The following FAM135B variants were observed in gnomAD, a reference collection of about 807,000 sequenced individuals.
The protein encoded by FAM135B is family with sequence similarity 135 member B.
A neutral mutation model predicts 127.7 loss-of-function variants in FAM135B; 43 were observed. The observed-to-expected ratio is 0.34, with a 90% CI of 0.26 to 0.43. The LOEUF is 0.43. Ranked by LOEUF, FAM135B falls within the 20% of genes least tolerant of loss-of-function variation. FAM135B has a pLI of 1.00. For synonymous variants in FAM135B, 670 were observed against 665.1 expected (o/e 1.01, Z -0.11); for missense variants, 1,558 against 1,725.6 (o/e 0.90, Z 1.72).
In FAM135B at chr8:138,132,141, A is replaced by G; in HGVS notation, c.*452T>C. Reference sequence around the variant, plus strand: ...AATCTATTGAGGATTCTATTTACACAAATATGTTCCACTGCTGCACAGAGA... The same window carrying G: ...AATCTATTGAGGATTCTATTTACACGAATATGTTCCACTGCTGCACAGAGA... On this transcript the variant is annotated 3_prime_UTR_variant, in exon 20 of 20. Transcript: ENST00000395297. The surrounding 1 kb of genome is among the most constrained non-coding windows in gnomAD (Gnocchi z 4.5). The G allele has an allele frequency of 6.1e-6, 1 of 163,250 alleles. No homozygotes were observed. The allele number at this position is 163,250 out of a possible 1,614,324, so 10.1% of individuals were successfully genotyped here.
At chr8:138,457,796 A>G (rs1836878083) in intron 1 of FAM135B, among the ~76,000 whole-genome samples, 1 of 152,068 alleles carries the variant, frequency 6.6e-6, no homozygotes, top group South Asian at 2.1e-4. Context: ...GCATGGCAAA[A>G]TCCCATCTCT....
intron 2 of FAM135B, among the ~76,000 whole-genome samples, chr8:138,343,408 G>C (rs913097870): frequency 5.3e-5 from 8 of 152,182 alleles, no homozygotes; most frequent in Admixed American, 4.6e-4. Flanking sequence ...CCAGACCACA[G>C]GTGGATCTTA....
chr8:138,265,657 T>C (rs769056804), intron 4 of FAM135B, 46 bp downstream of exon 4: 1 of 1,607,224 alleles, frequency 6.2e-7, no homozygotes, highest in Non-Finnish European at 8.5e-7. Flanking sequence ...AGAACAGCCA[T>C]GATAGGGAAC....
At chr8:138,429,322 AT>A (rs1835071510) in intron 1 of FAM135B, among the ~76,000 whole-genome samples, 1 of 152,180 alleles carries the variant, frequency 6.6e-6, no homozygotes, top group South Asian at 2.1e-4. Flanking sequence ...CTTGCATGGT[AT>A]ATGATAGGTG....
intron 2 of FAM135B, among the ~76,000 whole-genome samples, chr8:138,351,742 C>T (rs1587195564): frequency 7.0e-6 from 1 of 142,602 alleles, no homozygotes; most frequent in African/African-American, 2.6e-5. Context: ...CAGGCTGGAG[C>T]GCAGTGGTAC....
chr8:138,194,413 G>A (rs937881311), intron 9 of FAM135B, among the ~76,000 whole-genome samples: 4 of 152,176 alleles, frequency 2.6e-5, no homozygotes, highest in South Asian at 2.1e-4. Flanking sequence ...AACCCTGGCT[G>A]CACATAATAT....
intron 3 of FAM135B, among the ~76,000 whole-genome samples, chr8:138,293,211 T>C (rs1825243202): frequency 6.6e-6 from 1 of 152,160 alleles, no homozygotes; most frequent in Non-Finnish European, 1.5e-5. Context: ...AGAATGAAAC[T>C]GGATCAATCC....
At chr8:138,182,020 C>T (rs1449172612) in intron 9 of FAM135B, among the ~76,000 whole-genome samples, 1 of 152,116 alleles carries the variant, frequency 6.6e-6, no homozygotes, top group African/African-American at 2.4e-5. Context: ...GGGAGGTGTC[C>T]CAGGCCTCCG....
intron 3 of FAM135B, among the ~76,000 whole-genome samples, chr8:138,278,830 A>C (rs1239134103): frequency 6.6e-6 from 1 of 152,062 alleles, no homozygotes; most frequent in Admixed American, 6.6e-5. Context: ...ATGGAGCTAT[A>C]ATATCTAATC....
At chr8:138,328,012 T>C (rs891978230) in intron 2 of FAM135B, among the ~76,000 whole-genome samples, 2 of 152,136 alleles carry the variant, frequency 1.3e-5, no homozygotes, top group African/African-American at 4.8e-5. Flanking sequence ...TTGATGTCAG[T>C]AATTTTCATC....
chr8:138,440,913 AC>A, intron 1 of FAM135B: 1 of 152,204 alleles, frequency 6.6e-6, no homozygotes, highest in African/African-American at 2.4e-5. Context: ...TGAGCCTTCT[AC>A]TTTGCTATTT....
chr8:138,403,439 T>C (rs979093027), intron 1 of FAM135B, among the ~76,000 whole-genome samples: 8 of 152,196 alleles, frequency 5.3e-5, no homozygotes, highest in Non-Finnish European at 1.2e-4. Flanking sequence ...CACCAAATTG[T>C]TGATTCTCAA....
At chr8:138,443,873 C>A (rs1245144743) in intron 1 of FAM135B, among the ~76,000 whole-genome samples, 1 of 152,132 alleles carries the variant, frequency 6.6e-6, no homozygotes, top group African/African-American at 2.4e-5. Context: ...GATAAAGAGT[C>A]AAGACCCATC....
chr8:138,433,887 CATT>C (rs1835331301), intron 1 of FAM135B, among the ~76,000 whole-genome samples: 1 of 152,138 alleles, frequency 6.6e-6, no homozygotes, highest in African/African-American at 2.4e-5. Context: ...CTCTGAGTAT[CATT>C]ATCAGAAATC....
intron 2 of FAM135B, among the ~76,000 whole-genome samples, chr8:138,360,534 C>A (rs1388257668): frequency 1.3e-5 from 2 of 152,174 alleles, no homozygotes; most frequent in East Asian, 3.9e-4. Context: ...GCTTCGCAAT[C>A]TGGTTATGAA....
At chr8:138,384,360 T>TTATG (rs1233764849) in intron 1 of FAM135B, among the ~76,000 whole-genome samples, 7 of 57,970 alleles carry the variant, frequency 1.2e-4, no homozygotes, top group Middle Eastern at 0.011. Context: ...ATTTATTTAT[T>TTATG]TATTTATTTA....
chr8:138,368,683 G>A (rs1289738883), intron 1 of FAM135B, among the ~76,000 whole-genome samples: 2 of 152,120 alleles, frequency 1.3e-5, no homozygotes, highest in Non-Finnish European at 2.9e-5. Flanking sequence ...CAACTTGACA[G>A]GTTGCTAATT....
At chr8:138,445,031 G>A (rs1056851153) in intron 1 of FAM135B, among the ~76,000 whole-genome samples, 8 of 151,524 alleles carry the variant, frequency 5.3e-5, no homozygotes, top group East Asian at 1.9e-4. Context: ...ACACCTCTAC[G>A]CAAATAAACT....
intron 1 of FAM135B, among the ~76,000 whole-genome samples, chr8:138,455,824 C>T (rs1006040396): frequency 2.6e-5 from 4 of 152,112 alleles, no homozygotes; most frequent in Non-Finnish European, 1.5e-5. Flanking sequence ...ATAATTCATG[C>T]TGTAGACAGC....
Sources: allele counts gnomAD v4.1 joint callset (sites outside exome capture counted in the v4.1 genomes callset), GRCh38; gene constraint gnomAD v4.1.1; non-coding constraint Gnocchi (gnomAD v3.1); transcripts MANE v1.5; gene names NCBI Gene and HGNC (gene_info 2026-07-23, HGNC 2026-07-21).